NSUN6: variants seen among roughly 807,000 people sequenced by gnomAD.
The protein encoded by NSUN6 is NOP2/Sun RNA methyltransferase 6.
In NSUN6, 64 loss-of-function variants were observed where a neutral mutation model predicts 58.0. The ratio of observed to expected loss-of-function variants is 1.10; its 90% CI spans 0.90 to 1.36. The LOEUF (loss-of-function observed/expected upper bound fraction) is 1.36. Among genes scored for constraint, NSUN6 ranks in the 40% most tolerant of loss-of-function variants. The probability of loss-of-function intolerance (pLI) is 0.00; values close to 1 mark genes in which losing one functional copy is unlikely to be tolerated. For synonymous variants in NSUN6, 231 were observed against 193.9 expected (o/e 1.19, Z -1.59); for missense variants, 701 against 550.1 (o/e 1.27, Z -2.74).
At chr10:18,656,816 CTTTTTTTTTTTTT>C (rs59363607), upstream of NSUN6, among the ~76,000 whole-genome samples, 1 of 86,604 alleles carries the variant, frequency 1.2e-5, no homozygotes, top group Non-Finnish European at 2.1e-5. Flanking sequence ...AGTTACAATC[CTTTTTTTTTTTTT>C]TTTTTTTTTT....
At chr10:18,571,519 C>T (rs1015550514) in intron 8 of NSUN6, among the ~76,000 whole-genome samples, 1 of 151,014 alleles carries the variant, frequency 6.6e-6, no homozygotes, top group African/African-American at 2.4e-5. Flanking sequence ...CATTCTATTC[C>T]ATTCCCCACT....
intron 8 of NSUN6, among the ~76,000 whole-genome samples, chr10:18,559,907 AATGG>A (rs2055350812): frequency 6.7e-6 from 1 of 150,336 alleles, no homozygotes; most frequent in African/African-American, 2.5e-5. Flanking sequence ...AATGGAATGG[AATGG>A]AGAATGGATT....
chr10:18,649,100 TA>T (rs2059631987), intron 1 of NSUN6, among the ~76,000 whole-genome samples: 1 of 152,076 alleles, frequency 6.6e-6, no homozygotes, highest in Non-Finnish European at 1.5e-5. Flanking sequence ...TACCAATATT[TA>T]AAAAATAAGT....
chr10:18,658,604 G>A, upstream of NSUN6: 5 of 913,656 alleles, frequency 5.5e-6, no homozygotes, highest in Non-Finnish European at 6.5e-6. Flanking sequence ...AAATGGAGAG[G>A]GGTGCTATGT....
At chr10:18,641,838 G>A (rs1404129137) in intron 3 of NSUN6, among the ~76,000 whole-genome samples, 1 of 152,188 alleles carries the variant, frequency 6.6e-6, no homozygotes, top group Non-Finnish European at 1.5e-5. Context: ...AGAGGCTAAG[G>A]TGGGAGGATT....
At chr10:18,638,132 G>A (rs1344743707) in intron 3 of NSUN6, among the ~76,000 whole-genome samples, 3 of 152,102 alleles carry the variant, frequency 2.0e-5, no homozygotes, top group Non-Finnish European at 4.4e-5. Flanking sequence ...AAGAAGAGGT[G>A]TTTAACATAA....
chr10:18,575,893 C>T (rs969579824), intron 8 of NSUN6, among the ~76,000 whole-genome samples: 3 of 152,158 alleles, frequency 2.0e-5, no homozygotes, highest in African/African-American at 4.8e-5. Flanking sequence ...TCTATTAGTA[C>T]AGGCGCTGTC....
chr10:18,597,761 C>A (rs1257412360), intron 6 of NSUN6, among the ~76,000 whole-genome samples: 1 of 151,996 alleles, frequency 6.6e-6, no homozygotes, highest in African/African-American at 2.4e-5. Flanking sequence ...AGCGAAACTC[C>A]ATCTAAAAAT....
intron 8 of NSUN6, among the ~76,000 whole-genome samples, chr10:18,576,498 G>A (rs1276248451): frequency 6.6e-6 from 1 of 152,146 alleles, no homozygotes; most frequent in Admixed American, 6.5e-5. Flanking sequence ...AAAGGTTTTT[G>A]TAATTTCCTA....
At chr10:18,616,709 A>G (rs892809844) in intron 3 of NSUN6, among the ~76,000 whole-genome samples, 1 of 152,232 alleles carries the variant, frequency 6.6e-6, no homozygotes, top group Admixed American at 6.5e-5. Flanking sequence ...CAAGACAGGA[A>G]AAGAAGATAA....
upstream of NSUN6, chr10:18,654,961 CAA>C (rs2059762176): frequency 2.1e-6 from 1 of 478,468 alleles, no homozygotes. Context: ...CAGGATTAAA[CAA>C]ACAAAAAATC....
intron 8 of NSUN6, among the ~76,000 whole-genome samples, chr10:18,557,898 G>A (rs1051468170): frequency 1.3e-4 from 20 of 151,376 alleles, no homozygotes; most frequent in African/African-American, 4.6e-4. Context: ...ATGAAATGAA[G>A]AATGGAATGG....
chr10:18,635,363 A>T (rs1763002137), intron 3 of NSUN6, among the ~76,000 whole-genome samples: 1 of 152,176 alleles, frequency 6.6e-6, no homozygotes, highest in African/African-American at 2.4e-5. Flanking sequence ...AGTCTTAGCC[A>T]ATCACTAAAC....
chr10:18,553,824 G>C (rs1235749703), intron 8 of NSUN6, among the ~76,000 whole-genome samples: 3 of 150,594 alleles, frequency 2.0e-5, no homozygotes, highest in Non-Finnish European at 4.4e-5. Flanking sequence ...ATGGAGAATA[G>C]AGTAGAATAG....
chr10:18,623,002 T>C (rs1320912486), intron 3 of NSUN6, among the ~76,000 whole-genome samples: 1 of 152,210 alleles, frequency 6.6e-6, no homozygotes, highest in African/African-American at 2.4e-5. Context: ...AAGGCTCTTG[T>C]ATCAAGACAA....
chr10:18,576,612 C>T (rs2056661359), intron 8 of NSUN6, among the ~76,000 whole-genome samples: 1 of 152,216 alleles, frequency 6.6e-6, no homozygotes, highest in South Asian at 2.1e-4. Context: ...TGCAGGTCAG[C>T]CCCCGAGGGC....
rs2059706415 is a variant in NSUN6 at position 18,651,549 on chromosome 10, C to G, written c.-346G>C. 3.7e-5 allele frequency: 37 copies of G among 1,010,640 alleles called. No individual in the cohort carries two copies. Among genetic ancestry groups the G allele is most frequent in the Non-Finnish European group, 4.1e-5 (35 of 846,706 alleles). The allele number at this position is 1,010,640 out of a possible 1,614,324, so 62.6% of individuals were successfully genotyped here. ...GGTGAAACGGACGCAGATCAGTAAG[C>G]CAGGCTGACAGCAGCTCGGTCCCTT... is the stretch of plus-strand genomic sequence containing the variant. On this transcript the variant is annotated 5_prime_UTR_variant, in exon 1 of 11. Coordinates refer to ENST00000377304, the MANE Select transcript of NSUN6 (RefSeq NM_182543.5).
At chr10:18,571,793 A>T in intron 8 of NSUN6, among the ~76,000 whole-genome samples, 1 of 147,752 alleles carries the variant, frequency 6.8e-6, no homozygotes, top group African/African-American at 2.5e-5. Context: ...TCTCCATACC[A>T]TCCTCCATTC....
intron 3 of NSUN6, among the ~76,000 whole-genome samples, chr10:18,617,884 T>A (rs2058468517): frequency 1.3e-5 from 2 of 152,184 alleles, no homozygotes; most frequent in Non-Finnish European, 1.5e-5. Flanking sequence ...TTGTGCCCTC[T>A]ACCATGTACA....
Sources: allele counts gnomAD v4.1 joint callset (sites outside exome capture counted in the v4.1 genomes callset), GRCh38; gene constraint gnomAD v4.1.1; transcripts MANE v1.5; gene names NCBI Gene and HGNC (gene_info 2026-07-23, HGNC 2026-07-21).